Variants in SCFD2 observed in about 807,000 individuals in gnomAD.
SCFD2 encodes sec1 family domain-containing protein 2.
In SCFD2, 54 loss-of-function variants were observed where a neutral mutation model predicts 58.9. That is an observed-to-expected ratio of 0.92 (90% confidence interval 0.74 to 1.15). SCFD2 has a LOEUF of 1.15. SCFD2 is among the 50% of genes most tolerant of loss of function. The probability of loss-of-function intolerance (pLI) is 0.00; values close to 1 mark genes in which losing one functional copy is unlikely to be tolerated. For missense variants in SCFD2, 805 were observed against 836.6 expected, an observed-to-expected ratio of 0.96 and a Z score of 0.47; for synonymous variants, 321 against 335.9, an observed-to-expected ratio of 0.96 and a Z score of 0.49.
At chr4:53,344,187 T>C (rs1216775460) in intron 2 of SCFD2, among the ~76,000 whole-genome samples, 3 of 151,842 alleles carry the variant, frequency 2.0e-5, no homozygotes, top group African/African-American at 4.8e-5. Context: ...CATGATTGTA[T>C]ATTTAGAAAA....
chr4:53,350,273 G>A (rs958344921), intron 2 of SCFD2, among the ~76,000 whole-genome samples: 4 of 152,102 alleles, frequency 2.6e-5, no homozygotes, highest in African/African-American at 9.7e-5. Context: ...AACCCACACT[G>A]GGCAAAAGGT....
At chr4:52,971,706 C>T (rs1446036182) in intron 5 of SCFD2, among the ~76,000 whole-genome samples, 3 of 152,126 alleles carry the variant, frequency 2.0e-5, no homozygotes, top group East Asian at 1.9e-4. Flanking sequence ...CTCCAAGACA[C>T]ATAATTGTCA....
At chr4:53,100,935 T>A (rs571267849) in intron 5 of SCFD2, among the ~76,000 whole-genome samples, 1 of 152,266 alleles carries the variant, frequency 6.6e-6, no homozygotes, top group South Asian at 2.1e-4. Context: ...CCCCAAATGA[T>A]GTTTTCGAAT....
chr4:53,205,969 C>A (rs1232227060), intron 4 of SCFD2, among the ~76,000 whole-genome samples: 1 of 151,932 alleles, frequency 6.6e-6, no homozygotes, highest in East Asian at 1.9e-4. Context: ...AATCATAGAA[C>A]TTTACAACTC....
intron 3 of SCFD2, among the ~76,000 whole-genome samples, chr4:53,280,983 T>G (rs770168230): frequency 2.0e-5 from 3 of 152,204 alleles, no homozygotes; most frequent in African/African-American, 4.8e-5. Context: ...CACATCAAGC[T>G]ACAAGAGGAA....
At chr4:53,105,554 G>A (rs1321958128) in intron 5 of SCFD2, among the ~76,000 whole-genome samples, 1 of 152,184 alleles carries the variant, frequency 6.6e-6, no homozygotes, top group Non-Finnish European at 1.5e-5. Context: ...CCCTAACAGT[G>A]TAAACAAAGC....
chr4:53,328,186 A>ATG (rs1733276304), intron 2 of SCFD2, among the ~76,000 whole-genome samples: 1 of 148,690 alleles, frequency 6.7e-6, no homozygotes, highest in African/African-American at 2.5e-5. Flanking sequence ...ACATGTGCAC[A>ATG]TGTATGTGTG....
At chr4:53,346,557 A>AGCC (rs1323380770) in intron 2 of SCFD2, among the ~76,000 whole-genome samples, 1 of 152,060 alleles carries the variant, frequency 6.6e-6, no homozygotes, top group Non-Finnish European at 1.5e-5. Flanking sequence ...TACAGGCATG[A>AGCC]GCCACCACCC....
intron 5 of SCFD2, among the ~76,000 whole-genome samples, chr4:53,026,525 G>GTTTC (rs1722477650): frequency 6.6e-6 from 1 of 152,174 alleles, no homozygotes; most frequent in African/African-American, 2.4e-5. Flanking sequence ...TGCACTAAAT[G>GTTTC]GGAAACAAGG....
intron 4 of SCFD2, among the ~76,000 whole-genome samples, chr4:53,238,440 C>G (rs1483171547): frequency 2.7e-5 from 4 of 147,948 alleles, no homozygotes; most frequent in African/African-American, 7.5e-5. Flanking sequence ...GGCGGCTGGC[C>G]GGGCAGGGGG....
chr4:53,258,563 TATATATATATATATAC>T (rs1379460279), intron 4 of SCFD2, among the ~76,000 whole-genome samples: 3 of 79,010 alleles, frequency 3.8e-5, no homozygotes, highest in African/African-American at 1.1e-4. Flanking sequence ...TATATATATA[TATATATATATATATAC>T]ACACACATAT....
intron 5 of SCFD2, among the ~76,000 whole-genome samples, chr4:52,951,740 G>A (rs1720598606): frequency 6.6e-6 from 1 of 152,174 alleles, no homozygotes; most frequent in Non-Finnish European, 1.5e-5. Flanking sequence ...GAGACCTCAA[G>A]ATGGTGCAGC....
chr4:53,275,450 A>C (rs1317203256), intron 3 of SCFD2, among the ~76,000 whole-genome samples: 1 of 152,218 alleles, frequency 6.6e-6, no homozygotes, highest in African/African-American at 2.4e-5. Flanking sequence ...GCAAGCTAAC[A>C]ATCTGCTTGC....
chr4:52,929,696 TTAGGG>T (rs1343760596), intron 5 of SCFD2, among the ~76,000 whole-genome samples: 6 of 152,118 alleles, frequency 3.9e-5, no homozygotes, highest in Non-Finnish European at 7.3e-5. Context: ...GGGAATCCTG[TTAGGG>T]ATGCAGGCAC....
chr4:52,893,248 CTCTT>C (rs1478216273), intron 7 of SCFD2, among the ~76,000 whole-genome samples: 3 of 151,934 alleles, frequency 2.0e-5, no homozygotes, highest in Non-Finnish European at 4.4e-5. Context: ...CTCTCTCTCT[CTCTT>C]TCTTTCTTTC....
At chr4:53,056,493 T>C (rs1162366185) in intron 5 of SCFD2, among the ~76,000 whole-genome samples, 1 of 152,196 alleles carries the variant, frequency 6.6e-6, no homozygotes, top group Non-Finnish European at 1.5e-5. Flanking sequence ...ATAGGCTAAT[T>C]ATGTTTTATC....
At position 52,923,986 on chromosome 4, in the gene SCFD2, C is replaced by G. The variant is rs965284201; in HGVS notation, c.1562-3116G>C. On this transcript the variant is annotated intron_variant, in intron 5 of 8. Transcript: ENST00000401642. The stretch of plus-strand genomic sequence containing the variant: ...TCTAGGAGTTGAGTACTATGTACTA[C>G]TTTTTCAAATTTAAAAAGGCACAAA... 2.0e-5 allele frequency among the ~76,000 whole-genome samples: 3 copies of G among 152,084 alleles called. No individual in the cohort carries two copies. The East Asian group carries it at 5.8e-4, about 29-fold the overall frequency.
chr4:53,265,680 A>G (rs1730964160), intron 4 of SCFD2: 1 of 152,192 alleles, frequency 6.6e-6, no homozygotes, highest in Non-Finnish European at 1.5e-5. Flanking sequence ...TATAACAATT[A>G]CATTGTTATA....
intron 2 of SCFD2, among the ~76,000 whole-genome samples, chr4:53,326,628 A>T (rs1483325222): frequency 6.6e-6 from 1 of 152,218 alleles, no homozygotes. Context: ...TTAAAACCAT[A>T]TACAAGACAA....
Sources: allele counts gnomAD v4.1 joint callset (sites outside exome capture counted in the v4.1 genomes callset), GRCh38; gene constraint gnomAD v4.1.1; transcripts MANE v1.5; gene names NCBI Gene and HGNC (gene_info 2026-07-23, HGNC 2026-07-21).